Variants in CMYA5 observed in about 807,000 individuals in gnomAD.
CMYA5 encodes the protein cardiomyopathy associated 5.
Under a neutral mutation model 318.9 loss-of-function variants are expected in CMYA5, and 246 were observed. The observed-to-expected ratio is 0.77, with a 90% CI of 0.70 to 0.86. The LOEUF (loss-of-function observed/expected upper bound fraction) is 0.86, where lower values mean the gene tolerates loss of function less well. CMYA5 is among the 40% of genes least tolerant of loss of function. The probability of loss-of-function intolerance (pLI) is 0.00; values close to 1 mark genes in which losing one functional copy is unlikely to be tolerated. For missense variants in CMYA5, 4,589 were observed against 4,678.2 expected (o/e 0.98, Z 0.56); for synonymous variants, 1,641 against 1,729.5 (o/e 0.95, Z 1.27).
Position 79,737,760 on chromosome 5 carries a change from G to A in CMYA5, c.8995G>A (p.Ala2999Thr). Residue 2999 changes from alanine (A) to threonine (T), a missense_variant, in exon 2 of 13, where the codon GCT becomes ACT. Physicochemically the swap from Ala to Thr is moderately conservative, Grantham distance 58 (BLOSUM62 0). Coordinates refer to ENST00000446378, the MANE Select transcript of CMYA5 (RefSeq NM_153610.5). ...IPLPDDSETVACHKTLKSRLE... is the reference protein window; with the variant it reads ...IPLPDDSETVTCHKTLKSRLE... ...ACTCCCTGATGATAGTGAAACAGTT[G>A]CTTGTCATAAAACATTAAAGAGCAG... The A allele has an allele frequency of 1.2e-6, 2 of 1,611,312 alleles. No homozygotes were observed. Among genetic ancestry groups the A allele is most frequent in the South Asian group, 1.1e-5 (1 of 90,096 alleles).
Position 79,793,481 on chromosome 5 carries a change from A to C in CMYA5, c.11834A>C (p.His3945Pro). The C allele has an allele frequency of 6.2e-7, 1 of 1,613,902 alleles. No individual in the cohort carries two copies. Among genetic ancestry groups the C allele is most frequent in the East Asian group, 2.2e-5 (1 of 44,876 alleles). Residue 3945 changes from histidine to proline, a missense_variant, in exon 12 of 13, where the codon CAT becomes CCT. Transcript: ENST00000446378. ...GAGGAGCTGCCTTCCTGTGGCCAGC[A>C]TTACTGGGAAACCACAGTCACAGAC... is the stretch of plus-strand genomic sequence containing the variant. ...LGEELPSCGQ[H>P]YWETTVTDCP... is the part of the protein sequence containing the mutation.
chr5:79,721,733 A>G (rs998509762), intron 1 of CMYA5, among the ~76,000 whole-genome samples: 2 of 152,230 alleles, frequency 1.3e-5, no homozygotes, highest in African/African-American at 4.8e-5. Context: ...ATTTACAGAT[A>G]AAAGGGACAT....
At chr5:79,714,431 C>CTTTTTCTTTTTTTTTTTTTT (rs767402291) in intron 1 of CMYA5, among the ~76,000 whole-genome samples, 85 of 100,688 alleles carry the variant, frequency 8.4e-4, no homozygotes, top group African/African-American at 1.5e-3. Flanking sequence ...TTTTCTTTTT[C>CTTTTTCTTTTTTTTTTTTTT]TTTTTTTTTT....
At chr5:79,696,307 G>C (rs1827064674) in intron 1 of CMYA5, among the ~76,000 whole-genome samples, 1 of 152,204 alleles carries the variant, frequency 6.6e-6, no homozygotes, top group Non-Finnish European at 1.5e-5. Flanking sequence ...CCAGATCATA[G>C]ACGGAAAAAT....
intron 5 of CMYA5, among the ~76,000 whole-genome samples, chr5:79,751,994 T>A (rs16877164): frequency 6.6e-6 from 1 of 152,204 alleles, no homozygotes; most frequent in Non-Finnish European, 1.5e-5. Flanking sequence ...TTTTTGTCAT[T>A]GTTTGTTTAA....
chr5:79,792,077 C>T (rs1829190679), intron 11 of CMYA5, among the ~76,000 whole-genome samples: 1 of 152,224 alleles, frequency 6.6e-6, no homozygotes, highest in South Asian at 2.1e-4. Flanking sequence ...TGTCACATTG[C>T]TACTTGCCTG....
chr5:79,760,491 A>G (rs1023337968), intron 7 of CMYA5, among the ~76,000 whole-genome samples: 3 of 152,240 alleles, frequency 2.0e-5, no homozygotes, highest in African/African-American at 7.2e-5. Context: ...TACAGGAAGC[A>G]TGGCAGAGGA....
At position 79,736,981 on chromosome 5, in the gene CMYA5, T is replaced by C. The variant is rs1276383788; in HGVS notation, c.8216T>C (p.Leu2739Ser). The C allele has an allele frequency of 2.5e-6, 4 of 1,613,404 alleles. No individual in the cohort carries two copies. Among genetic ancestry groups the C allele is most frequent in the Non-Finnish European group, 3.4e-6 (4 of 1,179,770 alleles). The change falls in exon 2 of 13, where the codon TTG becomes TCG. Residue 2739 changes from leucine (L) to serine (S), a missense_variant. Physicochemically the swap from Leu to Ser is moderately radical, Grantham distance 145. Coordinates refer to ENST00000446378, the MANE Select transcript of CMYA5 (RefSeq NM_153610.5). ...CATGATGAAATAGAGAACCACTCTT[T>C]GTCTCAGGAAGGAAATCTAGTGTTA... ...SCHDEIENHSLSQEGNLVLEK... is the reference protein window; with the variant it reads ...SCHDEIENHSSSQEGNLVLEK...
In CMYA5 at chr5:79,736,422, A is replaced by G. The variant is rs1828069262; in HGVS notation, c.7657A>G (p.Lys2553Glu). The G allele has an allele frequency of 6.2e-7, 1 of 1,609,180 alleles. No individual in the cohort carries two copies. Residue 2553 changes from lysine (K) to glutamate (E), a missense_variant, in exon 2 of 13, where the codon AAG becomes GAG. Transcript: ENST00000446378. ...GGTATATGTGCTTTCAGAAGGAAAG[A>G]AGCAGCAGGAACATCAGCCTTATTC... is the stretch of plus-strand genomic sequence containing the variant. The part of the protein sequence containing the change: ...NQVYVLSEGK[K>E]QQEHQPYSVN...
At chr5:79,695,045 G>T (rs1827040587) in intron 1 of CMYA5, among the ~76,000 whole-genome samples, 1 of 152,166 alleles carries the variant, frequency 6.6e-6, no homozygotes, top group African/African-American at 2.4e-5. Context: ...CTTTAGAAAG[G>T]CAAACTTACT....
chr5:79,756,365 C>A, intron 6 of CMYA5, among the ~76,000 whole-genome samples: 1 of 151,076 alleles, frequency 6.6e-6, no homozygotes, highest in East Asian at 2.1e-4. Flanking sequence ...TCCTGCCTTG[C>A]CCCTCTGTTT....
At position 79,736,417 on chromosome 5, in the gene CMYA5, G is replaced by A; in HGVS notation, c.7652G>A (p.Gly2551Glu). 6.2e-7 allele frequency: 1 copy of A among 1,608,992 alleles called. No homozygotes were observed. Among genetic ancestry groups the A allele is most frequent in the Non-Finnish European group, 8.5e-7 (1 of 1,177,398 alleles). ...AATCAGGTATATGTGCTTTCAGAAG[G>A]AAAGAAGCAGCAGGAACATCAGCCT... ...KENQVYVLSE[G>E]KKQQEHQPYS... The change falls in exon 2 of 13, where the codon GGA (glycine) becomes GAA (glutamate). Residue 2551 changes from glycine to glutamate, a missense_variant. By Grantham distance (98) the Gly-to-Glu change is moderately conservative (BLOSUM62 -2). Transcript: ENST00000446378.
chr5:79,739,853 C>T (rs1234865942), intron 2 of CMYA5, among the ~76,000 whole-genome samples: 1 of 151,866 alleles, frequency 6.6e-6, no homozygotes, highest in Non-Finnish European at 1.5e-5. Flanking sequence ...CATGGTGGCG[C>T]ACACCTGTAG....
At chr5:79,747,248 A>G in intron 5 of CMYA5, 135 bp downstream of exon 5, 2 of 716,362 alleles carry the variant, frequency 2.8e-6, no homozygotes. Flanking sequence ...TCACTTTTAG[A>G]CACAGTGCTT....
intron 3 of CMYA5, 87 bp downstream of exon 3, chr5:79,744,009 G>A (rs963953943): frequency 4.8e-5 from 30 of 623,364 alleles, no homozygotes; most frequent in Non-Finnish European, 7.8e-5. Context: ...TCTGACTTGG[G>A]GATTTTATGC....
chr5:79,738,335 A>G lies in CMYA5; in HGVS notation c.9570A>G (p.Ala3190=). 2 of 1,613,720 alleles carry G rather than the reference A, an allele frequency of 1.2e-6. No individual in the cohort carries two copies. Among genetic ancestry groups the G allele is most frequent in the Non-Finnish European group, 1.7e-6 (2 of 1,179,820 alleles). The change falls in exon 2 of 13, where the codon GCA becomes GCG. Residue 3190 remains alanine, a synonymous_variant. Coordinates refer to ENST00000446378, the MANE Select transcript of CMYA5 (RefSeq NM_153610.5). ...PEFLEEPPAL[A]FLYKDLYEEA... is the part of the protein sequence containing the mutation. ...TTCTGGAGGAGCCACCTGCACTTGC[A>G]TTTTTATATAAGGATCTGTATGAAG... is the stretch of plus-strand genomic sequence containing the variant.
intron 7 of CMYA5, among the ~76,000 whole-genome samples, chr5:79,759,875 G>A (rs946712112): frequency 3.3e-5 from 5 of 152,300 alleles, no homozygotes; most frequent in African/African-American, 1.2e-4. Flanking sequence ...GGCTAAATCT[G>A]TCTGTAATGT....
Position 79,761,881 on chromosome 5 carries a change from A to T in CMYA5, c.11331A>T (p.Arg3777=). The part of the protein sequence containing the change: ...YCIFEDLEPD[R]CYQVWVMAVN... ...TTTTTGAAGATCTGGAACCTGACCG[A>T]TGCTATCAAGTGTGGGTGATGGCTG... The change falls in exon 8 of 13, where the codon CGA becomes CGT. Residue 3777 remains arginine, a synonymous_variant. Transcript: ENST00000446378. The T allele has an allele frequency of 1.2e-6, 2 of 1,613,830 alleles. No homozygotes were observed. The highest frequency in any genetic ancestry group is 1.7e-6 in the Non-Finnish European group (2 of 1,179,832).
chr5:79,708,896 C>T (rs1335725281), intron 1 of CMYA5, among the ~76,000 whole-genome samples: 1 of 152,084 alleles, frequency 6.6e-6, no homozygotes, highest in African/African-American at 2.4e-5. Flanking sequence ...ATCACGCCAC[C>T]ATACTCCACT....
Sources: allele counts gnomAD v4.1 joint callset (sites outside exome capture counted in the v4.1 genomes callset), GRCh38; gene constraint gnomAD v4.1.1; transcripts MANE v1.5; gene names NCBI Gene and HGNC (gene_info 2026-07-23, HGNC 2026-07-21).